SLC24A1: variants seen among roughly 807,000 people sequenced by gnomAD.
SLC24A1 encodes the protein sodium/potassium/calcium exchanger 1.
A neutral mutation model predicts 88.1 loss-of-function variants in SLC24A1; 52 were observed. The ratio of observed to expected loss-of-function variants is 0.59; its 90% CI spans 0.47 to 0.74. SLC24A1 has a LOEUF of 0.74. Among genes scored for constraint, SLC24A1 ranks in the 30% least tolerant of loss-of-function variants. The pLI, the probability that SLC24A1 is intolerant of heterozygous loss-of-function variation, is 0.00. For synonymous variants in SLC24A1, 455 were observed against 498.0 expected (o/e 0.91, Z 1.15); for missense variants, 1,173 against 1,363.3 (o/e 0.86, Z 2.20).
In SLC24A1 at chr15:65,625,182, G is replaced by A. The variant is rs754554767; in HGVS notation, c.1102G>A (p.Ala368Thr). 6 of 1,613,722 alleles carry A rather than the reference G, an allele frequency of 3.7e-6. No homozygotes were observed. In the African/African-American group the frequency reaches 8.0e-5, roughly 22 times the overall value. ...KTAPAIVWRL[A>T]KKPSTAPSTS... ...AGCCCCAGCCATAGTCTGGAGGCTG[G>A]CAAAGAAACCTTCCACAGCACCCAG... The change falls in exon 2 of 10, where the codon GCA becomes ACA. Residue 368 changes from alanine to threonine, a missense_variant. Physicochemically the swap from Ala to Thr is moderately conservative, Grantham distance 58. Transcript: ENST00000261892.
At chr15:65,614,638 G>A (rs576177368) in intron 2 of SLC24A1, among the ~76,000 whole-genome samples, 8 of 152,298 alleles carry the variant, frequency 5.3e-5, no homozygotes, top group South Asian at 4.1e-4. Context: ...CCGCAAAGCT[G>A]CTCTCTATTT....
At chr15:65,631,095 C>G (rs2074708621) in intron 2 of SLC24A1, among the ~76,000 whole-genome samples, 1 of 152,078 alleles carries the variant, frequency 6.6e-6, no homozygotes, top group Non-Finnish European at 1.5e-5. Context: ...CAGAAAAACT[C>G]AAACATCTGA....
chr15:65,657,600 T>C (rs575691190), downstream of SLC24A1, among the ~76,000 whole-genome samples: 80 of 152,148 alleles, frequency 5.3e-4, no homozygotes, highest in East Asian at 0.012. Context: ...GCCGAGATCG[T>C]GCCACTGCAC....
chr15:65,616,335 A>T (rs1289453877), intron 2 of SLC24A1, among the ~76,000 whole-genome samples: 1 of 152,068 alleles, frequency 6.6e-6, no homozygotes, highest in Non-Finnish European at 1.5e-5. Context: ...ACTAATTTGC[A>T]CTCCCACCAA....
In SLC24A1 at chr15:65,655,122, G is replaced by C; in HGVS notation, c.*1043G>C. 1 of 998,432 alleles carries C rather than the reference G, an allele frequency of 1.0e-6. No individual in the cohort carries two copies. The highest frequency in any genetic ancestry group is 1.2e-6 in the Non-Finnish European group (1 of 837,816). The allele number at this position is 998,432 out of a possible 1,614,324, so 61.8% of individuals were successfully genotyped here. A position where few individuals can be genotyped will look rare whatever the true frequency, so the allele number is the denominator to read the frequency against. ...TGTCTCCATCAGTGGTCACCTTGAGGGATTAGACATTCTAATGGAATGTCC... is the reference window on the plus strand; with the variant it reads ...TGTCTCCATCAGTGGTCACCTTGAGCGATTAGACATTCTAATGGAATGTCC... On this transcript the variant is annotated 3_prime_UTR_variant, in exon 10 of 10. Coordinates refer to ENST00000261892, the MANE Select transcript of SLC24A1 (RefSeq NM_004727.3).
At chr15:65,617,127 C>A (rs2074172077), upstream of SLC24A1, among the ~76,000 whole-genome samples, 1 of 152,102 alleles carries the variant, frequency 6.6e-6, no homozygotes, top group Admixed American at 6.5e-5. Flanking sequence ...GTTACTGTAG[C>A]CTTGTAGTAT....
intron 2 of SLC24A1, among the ~76,000 whole-genome samples, chr15:65,634,740 C>CAAAAAAAAAAAAAA (rs5813364): frequency 1.3e-4 from 12 of 90,490 alleles, no homozygotes; most frequent in Admixed American, 2.5e-4. Context: ...TCAAAAGCAC[C>CAAAAAAAAAAAAAA]AAAAAAAAAA....
upstream of SLC24A1, among the ~76,000 whole-genome samples, chr15:65,620,729 A>C (rs2074293131): frequency 6.6e-6 from 1 of 152,204 alleles, no homozygotes. Context: ...TCTCCCCTGA[A>C]TTTTTTATAT....
intron 4 of SLC24A1, among the ~76,000 whole-genome samples, chr15:65,643,417 C>G (rs1166570631): frequency 6.6e-6 from 1 of 152,184 alleles, no homozygotes; most frequent in Admixed American, 6.5e-5. Flanking sequence ...GATGCTGAGG[C>G]TTAGTGCCGG....
intron 7 of SLC24A1, among the ~76,000 whole-genome samples, chr15:65,651,397 C>T (rs1343820800): frequency 6.6e-6 from 1 of 152,120 alleles, no homozygotes; most frequent in Non-Finnish European, 1.5e-5. Flanking sequence ...CTAGATTGGC[C>T]TGGTTCTAGG....
At chr15:65,633,494 TA>T (rs957970422) in intron 2 of SLC24A1, among the ~76,000 whole-genome samples, 2 of 151,960 alleles carry the variant, frequency 1.3e-5, no homozygotes, top group African/African-American at 4.8e-5. Context: ...ACCTCGTCTG[TA>T]CTAAAAATAC....
chr15:65,642,299 T>C (rs2075155822), intron 4 of SLC24A1, among the ~76,000 whole-genome samples: 1 of 152,224 alleles, frequency 6.6e-6, no homozygotes, highest in Non-Finnish European at 1.5e-5. Flanking sequence ...AGATGTTTCC[T>C]GGGGTCTGAA....
intron 4 of SLC24A1, among the ~76,000 whole-genome samples, chr15:65,640,325 T>C (rs3848150): frequency 0.13 from 20,354 of 152,144 alleles, 2,547 homozygotes; most frequent in African/African-American, 0.34. Flanking sequence ...GTCCAAAGTA[T>C]AGTGGGGGCT....
intron 2 of SLC24A1, among the ~76,000 whole-genome samples, chr15:65,636,486 G>T (rs1253773287): frequency 6.6e-6 from 1 of 152,102 alleles, no homozygotes; most frequent in East Asian, 1.9e-4. Context: ...GGAGGCTGAG[G>T]TGGGAAGATG....
intron 1 of SLC24A1, among the ~76,000 whole-genome samples, 198 bp downstream of exon 1, chr15:65,622,290 G>A (rs2074345261): frequency 6.6e-6 from 1 of 152,080 alleles, no homozygotes; most frequent in Non-Finnish European, 1.5e-5. Context: ...TAGAAATCAG[G>A]GACAAAGAAG....
Position 65,654,882 on chromosome 15 carries a change from G to T in SLC24A1, c.*803G>T. On this transcript the variant is annotated 3_prime_UTR_variant, in exon 10 of 10. Coordinates refer to ENST00000261892, the MANE Select transcript of SLC24A1 (RefSeq NM_004727.3). ...CAAAGTGCTGGGATTACAGGCGTCA[G>T]CCACCGCGCCTGGCCTATACCAGTA... 8.5e-7 allele frequency: 1 copy of T among 1,180,000 alleles called. No individual in the cohort carries two copies. Among genetic ancestry groups the T allele is most frequent in the Non-Finnish European group, 1.1e-6 (1 of 937,806 alleles). The allele number at this position is 1,180,000 out of a possible 1,614,324, so 73.1% of individuals were successfully genotyped here. A position where few individuals can be genotyped will look rare whatever the true frequency, so the allele number is the denominator to read the frequency against.
At position 65,644,259 on chromosome 15, in the gene SLC24A1, C is replaced by T. The variant is rs1596336438; in HGVS notation, c.2054-168C>T. On this transcript the variant is annotated intron_variant, in intron 4 of 9. Coordinates refer to ENST00000261892, the MANE Select transcript of SLC24A1 (RefSeq NM_004727.3). ...ACAGAACTTTGGGAATTAGGCACCA[C>T]AACTAGGCCTCGTAGGATCAGAATC... 4.6e-6 allele frequency: 3 copies of T among 652,458 alleles called. No individual in the cohort carries two copies. In the African/African-American group the frequency reaches 5.3e-5, roughly 12 times the overall value. The allele number at this position is 652,458 out of a possible 1,614,324, so 40.4% of individuals were successfully genotyped here. A position where few individuals can be genotyped will look rare whatever the true frequency, so the allele number is the denominator to read the frequency against.
chr15:65,645,511 T>C, intron 5 of SLC24A1, 101 bp from the exon 6 acceptor site: 1 of 851,200 alleles, frequency 1.2e-6, no homozygotes, highest in Non-Finnish European at 1.9e-6. Context: ...TCAGAAACCC[T>C]GAAGTCCAAT....
intron 2 of SLC24A1, among the ~76,000 whole-genome samples, chr15:65,634,833 A>C (rs542696408): frequency 6.6e-6 from 1 of 152,208 alleles, no homozygotes; most frequent in East Asian, 1.9e-4. Flanking sequence ...AAAAAAGAGA[A>C]GAAGACAGGG....
Sources: gnomAD v4.1 joint callset for allele counts (sites outside exome capture counted in the v4.1 genomes callset) on GRCh38, gnomAD v4.1.1 for gene constraint, MANE v1.5 for transcripts, NCBI Gene and HGNC (gene_info 2026-07-23, HGNC 2026-07-21) for gene names.